The following INPP5A variants were observed in gnomAD, a reference collection of about 807,000 sequenced individuals.
INPP5A encodes 43 kDa inositol polyphosphate 5-phophatase.
A neutral mutation model predicts 65.2 loss-of-function variants in INPP5A; 14 were observed. The observed-to-expected ratio is 0.21, with a 90% confidence interval of 0.14 to 0.34. INPP5A has a LOEUF of 0.34. INPP5A is among the 10% of genes least tolerant of loss of function. INPP5A has a pLI of 1.00. For missense variants in INPP5A, 431 were observed against 545.6 expected (o/e 0.79, Z 2.09); for synonymous variants, 207 against 208.3 (o/e 0.99, Z 0.05).
intron 1 of INPP5A, among the ~76,000 whole-genome samples, chr10:132,595,045 C>T (rs973140883): frequency 1.3e-5 from 2 of 152,234 alleles, no homozygotes; most frequent in Admixed American, 1.3e-4. Context: ...AATACCTCTG[C>T]CTCAAATACC....
intron 11 of INPP5A, among the ~76,000 whole-genome samples, chr10:132,758,469 T>C (rs1260802607): frequency 8.0e-4 from 99 of 123,728 alleles, no homozygotes; most frequent in African/African-American, 1.3e-3. Flanking sequence ...TCGTGGGTCC[T>C]TGGCTGACCC....
At chr10:132,779,672 T>G (rs1400054473) in intron 13 of INPP5A, among the ~76,000 whole-genome samples, 1 of 151,892 alleles carries the variant, frequency 6.6e-6, no homozygotes, top group Admixed American at 6.5e-5. Context: ...GGGGCTGGAG[T>G]TTGGACAGGC....
At chr10:132,661,073 A>C (rs1432711481) in intron 4 of INPP5A, among the ~76,000 whole-genome samples, 2 of 152,178 alleles carry the variant, frequency 1.3e-5, no homozygotes, top group Non-Finnish European at 2.9e-5. Context: ...TGAGGCCTGC[A>C]TCTCTCCCTT....
rs75061457 is a variant in INPP5A, at chr10:132,723,172, G to A, written c.648-3649G>A. On this transcript the variant is annotated intron_variant, in intron 8 of 15. Transcript: ENST00000368594. Reference sequence around the variant, plus strand: ...GACGATGACGCGGCGTCTCCAGGGCGTTGCAGGCCCACCTGGTGCGTCGCC... The same window carrying A: ...GACGATGACGCGGCGTCTCCAGGGCATTGCAGGCCCACCTGGTGCGTCGCC... Among the ~76,000 whole-genome samples, 50 of 152,372 alleles carry A rather than the reference G, an allele frequency of 3.3e-4. No individual in the cohort carries two copies. In the East Asian group the frequency reaches 9.3e-3, roughly 28 times the overall value.
At chr10:132,748,928 TCCACCTGCCTCTGGGCCCCTGC>T (rs1846420376) in intron 9 of INPP5A, among the ~76,000 whole-genome samples, 1 of 152,206 alleles carries the variant, frequency 6.6e-6, no homozygotes, top group East Asian at 1.9e-4. Flanking sequence ...TTGGGTCCTG[TCCACCTGCCTCTGGGCCCCTGC>T]CCACCCCAGC....
chr10:132,639,845 C>T (rs182876435), intron 2 of INPP5A, among the ~76,000 whole-genome samples: 1 of 152,300 alleles, frequency 6.6e-6, no homozygotes, highest in East Asian at 1.9e-4. Context: ...CTGTCATCTT[C>T]ATTTTACCAT....
intron 8 of INPP5A, among the ~76,000 whole-genome samples, chr10:132,718,238 C>T (rs565394265): frequency 5.4e-4 from 77 of 143,678 alleles, no homozygotes; most frequent in South Asian, 1.2e-3. Context: ...TGTCTGGGCA[C>T]CTTAGACGGC....
chr10:132,629,566 C>G (rs552907516), intron 2 of INPP5A, among the ~76,000 whole-genome samples: 63 of 152,352 alleles, frequency 4.1e-4, no homozygotes, highest in African/African-American at 1.4e-3. Flanking sequence ...CTGGAAGTCT[C>G]CAGTGTGGCT....
chr10:132,614,791 G>T (rs1325209757), intron 2 of INPP5A, among the ~76,000 whole-genome samples: 1 of 152,252 alleles, frequency 6.6e-6, no homozygotes, highest in Non-Finnish European at 1.5e-5. Context: ...CCCCATGAAT[G>T]CAATCAGTGC....
rs541332644 is a variant in INPP5A, at chr10:132,550,823, G to T, written c.75+12652G>T. On this transcript the variant is annotated intron_variant, in intron 1 of 15. Coordinates refer to ENST00000368594, the MANE Select transcript of INPP5A (RefSeq NM_005539.5). This position sits in a 1 kb window ranked among gnomAD's most constrained non-coding sequence, Gnocchi z 4.2. ...CCTGTTGTCTTAGATCCTTGGCACT[G>T]CAGGGGCGGTTCTGCCAGACATAGC... Among the ~76,000 whole-genome samples, 1 of 152,384 alleles carries T rather than the reference G, an allele frequency of 6.6e-6. No individual in the cohort carries two copies. Among genetic ancestry groups the T allele is most frequent in the Admixed American group, 6.5e-5 (1 of 15,304 alleles).
At chr10:132,571,395 C>G (rs1018840126) in intron 1 of INPP5A, among the ~76,000 whole-genome samples, 1 of 152,220 alleles carries the variant, frequency 6.6e-6, no homozygotes, top group African/African-American at 2.4e-5. Context: ...TGGGCCTTGT[C>G]CTCCCCAGCT....
Position 132,623,509 on chromosome 10 carries a change from G to A in INPP5A, c.117+15553G>A, listed in dbSNP as rs1420847673. On this transcript the variant is annotated intron_variant, in intron 2 of 15. Coordinates refer to ENST00000368594, the MANE Select transcript of INPP5A (RefSeq NM_005539.5). ...AAAAATTAACTCAAAATGGATCTTA[G>A]AGCTAAATATAAATCTTAAAAAGTA... 5.3e-5 allele frequency among the ~76,000 whole-genome samples: 8 copies of A among 151,632 alleles called. No homozygotes were observed. In the East Asian group the frequency reaches 1.5e-3, roughly 29 times the overall value.
chr10:132,683,341 G>T (rs1192800756), intron 4 of INPP5A, among the ~76,000 whole-genome samples: 1 of 151,714 alleles, frequency 6.6e-6, no homozygotes, highest in Non-Finnish European at 1.5e-5. Flanking sequence ...GACCCAGCAA[G>T]GCCATCTGTG....
chr10:132,770,580 C>T (rs11146510), intron 12 of INPP5A, among the ~76,000 whole-genome samples: 2,859 of 152,318 alleles, frequency 0.019, 76 homozygotes, highest in African/African-American at 0.064. Context: ...CTGGCCGCCC[C>T]GGTGGCCTGG....
rs1052080412 is a variant in INPP5A, at chr10:132,697,033, C to T, written c.371-783C>T. Among the ~76,000 whole-genome samples the T allele has an allele frequency of 1.3e-5, 2 of 152,226 alleles. No individual in the cohort carries two copies. The highest frequency in any genetic ancestry group is 2.4e-5 in the African/African-American group (1 of 41,456). Reference sequence around the variant, plus strand: ...TGCTTGTGGGACACAACACACTGCTCCAAAGCGGTCTCCAGGAACCTCGTT... The same window carrying T: ...TGCTTGTGGGACACAACACACTGCTTCAAAGCGGTCTCCAGGAACCTCGTT... On this transcript the variant is annotated intron_variant, in intron 5 of 15. Coordinates refer to ENST00000368594, the MANE Select transcript of INPP5A (RefSeq NM_005539.5). The surrounding 1 kb of genome is among the most constrained non-coding windows in gnomAD (Gnocchi z 5.6).
chr10:132,586,277 T>G (rs2071543842), intron 1 of INPP5A, among the ~76,000 whole-genome samples: 1 of 152,120 alleles, frequency 6.6e-6, no homozygotes, highest in East Asian at 1.9e-4. Flanking sequence ...GCAGCTGGGT[T>G]TTGTCAGCAG....
At chr10:132,725,575 C>T (rs1845971550) in intron 8 of INPP5A, among the ~76,000 whole-genome samples, 1 of 152,240 alleles carries the variant, frequency 6.6e-6, no homozygotes, top group African/African-American at 2.4e-5. Context: ...GGGCCCCCTG[C>T]CTCCCGGCCT....
rs1034637106 is a variant in INPP5A at position 132,678,471 on chromosome 10, G to A, written c.307-11921G>A. Among the ~76,000 whole-genome samples, 1 of 152,178 alleles carries A rather than the reference G, an allele frequency of 6.6e-6. No individual in the cohort carries two copies. Among genetic ancestry groups the A allele is most frequent in the Admixed American group, 6.5e-5 (1 of 15,288 alleles). On this transcript the variant is annotated intron_variant, in intron 4 of 15. Coordinates refer to ENST00000368594, the MANE Select transcript of INPP5A (RefSeq NM_005539.5). This position sits in a 1 kb window ranked among gnomAD's most constrained non-coding sequence, Gnocchi z 4.1. ...TGATAGGGTTAAATGTGTGACTTTTGCAAGTGTGTTCAGCTTCTCGGGAGC... is the reference window on the plus strand; with the variant it reads ...TGATAGGGTTAAATGTGTGACTTTTACAAGTGTGTTCAGCTTCTCGGGAGC...
chr10:132,662,724 C>T (rs2072752178), intron 4 of INPP5A, among the ~76,000 whole-genome samples: 1 of 152,178 alleles, frequency 6.6e-6, no homozygotes, highest in African/African-American at 2.4e-5. Context: ...GTCCCTTCCA[C>T]ACTGCCCACC....
Sources: gnomAD v4.1 joint callset for allele counts (sites outside exome capture counted in the v4.1 genomes callset) on GRCh38, gnomAD v4.1.1 for gene constraint, Gnocchi (gnomAD v3.1) non-coding constraint, MANE v1.5 for transcripts, NCBI Gene and HGNC (gene_info 2026-07-23, HGNC 2026-07-21) for gene names.